The following DIAPH2 variants were observed in gnomAD, a reference collection of about 807,000 sequenced individuals.
The protein encoded by DIAPH2 is diaphanous related formin 2.
A neutral mutation model predicts 92.7 loss-of-function variants in DIAPH2; 35 were observed. The ratio of observed to expected loss-of-function variants is 0.38; its 90% CI spans 0.29 to 0.50. DIAPH2 has a LOEUF of 0.50. DIAPH2 is among the 20% of genes least tolerant of loss of function. DIAPH2 has a pLI of 0.94. For synonymous variants in DIAPH2, 301 were observed against 280.4 expected (o/e 1.07, Z -0.73); for missense variants, 701 against 819.5 (o/e 0.86, Z 1.77).
At chrX:96,758,946 AT>A (rs1376147995) in intron 4 of DIAPH2, among the ~76,000 whole-genome samples, 155 of 101,767 alleles carry the variant, frequency 1.5e-3, no homozygotes, top group African/African-American at 4.0e-3. Flanking sequence ...TTAAGCTTTG[AT>A]TTTTTTTTTT....
intron 26 of DIAPH2, among the ~76,000 whole-genome samples, chrX:97,564,721 A>G (rs751554673): frequency 8.9e-6 from 1 of 112,054 alleles, no homozygotes; most frequent in Non-Finnish European, 1.9e-5. Context: ...TCTTTGAAGC[A>G]TTGCAGAAAC....
Position 97,601,935 on chromosome X carries a change from C to CTCTT in DIAPH2, c.*2622_*2625dup, listed in dbSNP as rs1457589357. On this transcript the variant is annotated 3_prime_UTR_variant, in exon 27 of 27. Coordinates refer to ENST00000324765, the MANE Select transcript of DIAPH2 (RefSeq NM_006729.5). The stretch of plus-strand genomic sequence containing the variant: ...CATTTTTTGGCTTATGGCCACATTT[C>CTCTT]TCTTTCTGCTGTGTCTTCACATCAC... The CTCTT allele has an allele frequency of 4.5e-5, 5 of 112,153 alleles. No individual in the cohort carries two copies. Among genetic ancestry groups the CTCTT allele is most frequent in the African/African-American group, 1.6e-4 (5 of 30,833 alleles). The allele number at this position is 112,153 out of a possible 1,213,427, so 9.2% of individuals were successfully genotyped here.
chrX:97,020,997 A>G (rs2066293845), intron 17 of DIAPH2, among the ~76,000 whole-genome samples: 1 of 111,682 alleles, frequency 9.0e-6, no homozygotes, highest in Non-Finnish European at 1.9e-5. Context: ...CTACTGACAA[A>G]TATTATTATA....
chrX:97,549,505 A>G (rs965902631), intron 26 of DIAPH2, among the ~76,000 whole-genome samples: 1 of 111,419 alleles, frequency 9.0e-6, no homozygotes, highest in Non-Finnish European at 1.9e-5. Flanking sequence ...TGAATGTTTC[A>G]GAATAAATTG....
At chrX:97,189,239 G>A (rs1347229661) in intron 22 of DIAPH2, among the ~76,000 whole-genome samples, 1 of 111,478 alleles carries the variant, frequency 9.0e-6, no homozygotes, top group African/African-American at 3.3e-5. Flanking sequence ...TAAAGGAAAG[G>A]TTGACTAACC....
chrX:96,755,387 C>T (rs2147594174), intron 3 of DIAPH2, among the ~76,000 whole-genome samples: 1 of 111,607 alleles, frequency 9.0e-6, no homozygotes. Context: ...GGCGTGGTGG[C>T]TCACGCCTGT....
Position 97,264,494 on chromosome X carries a change from TATTC to T in DIAPH2, c.2844+16659_2844+16662del, listed in dbSNP as rs1190572453. Among the ~76,000 whole-genome samples the T allele has an allele frequency of 3.6e-5, 4 of 112,132 alleles. No homozygotes were observed. In the South Asian group the frequency reaches 1.5e-3, roughly 41 times the overall value. ...GGCACTATATTGAAGCAAATATGACTATTCATTTTCTTGCTCACACATACACACA... is the reference window on the plus strand; with the variant it reads ...GGCACTATATTGAAGCAAATATGACTATTTTCTTGCTCACACATACACACA... On this transcript the variant is annotated intron_variant, in intron 23 of 26. Transcript: ENST00000324765.
intron 1 of DIAPH2, among the ~76,000 whole-genome samples, chrX:96,698,562 A>G (rs1371360339): frequency 9.0e-6 from 1 of 111,056 alleles, no homozygotes; most frequent in Non-Finnish European, 1.9e-5. Context: ...ATGGAAGTGC[A>G]TAATGTAGTT....
At chrX:97,533,124 C>T (rs1371198222) in intron 26 of DIAPH2, 1 of 111,723 alleles carries the variant, frequency 9.0e-6, no homozygotes, top group Non-Finnish European at 1.9e-5. Flanking sequence ...CCATTTTAAA[C>T]ATTTAGCCAC....
At chrX:97,256,802 C>T (rs1442717914) in intron 23 of DIAPH2, among the ~76,000 whole-genome samples, 2 of 110,957 alleles carry the variant, frequency 1.8e-5, no homozygotes, top group African/African-American at 3.3e-5. Flanking sequence ...GTAGCTGGGA[C>T]TACAGGTGCA....
chrX:97,176,804 G>A (rs1018435035), intron 22 of DIAPH2, among the ~76,000 whole-genome samples: 2 of 111,777 alleles, frequency 1.8e-5, no homozygotes, highest in Admixed American at 9.6e-5. Context: ...TGGGATTACA[G>A]GCGTGAGCCA....
intron 4 of DIAPH2, among the ~76,000 whole-genome samples, chrX:96,871,989 A>G (rs932478334): frequency 7.1e-5 from 8 of 112,296 alleles, no homozygotes; most frequent in Non-Finnish European, 9.4e-5. Context: ...TCCATGTGCC[A>G]AAAAGTTACA....
chrX:97,180,134 C>G (rs1340364424), intron 22 of DIAPH2, among the ~76,000 whole-genome samples: 2 of 112,285 alleles, frequency 1.8e-5, no homozygotes, highest in African/African-American at 6.5e-5. Flanking sequence ...GAGGAATCAG[C>G]ACACTGTCTT....
intron 26 of DIAPH2, among the ~76,000 whole-genome samples, chrX:97,559,655 C>T (rs1018136095): frequency 8.9e-6 from 1 of 111,884 alleles, no homozygotes. Flanking sequence ...TTCGTTTCTA[C>T]GTACACGGTA....
At chrX:96,938,930 G>T (rs909108728) in intron 11 of DIAPH2, among the ~76,000 whole-genome samples, 7 of 111,456 alleles carry the variant, frequency 6.3e-5, no homozygotes, top group Non-Finnish European at 1.3e-4. Context: ...ACAACTACAG[G>T]GAGATCAAAA....
intron 16 of DIAPH2, among the ~76,000 whole-genome samples, chrX:96,959,547 A>AT (rs1383480896): frequency 9.0e-6 from 1 of 111,536 alleles, no homozygotes; most frequent in Non-Finnish European, 1.9e-5. Flanking sequence ...GTTTGCAGAT[A>AT]TTTTTTCCCA....
At chrX:97,484,272 A>T (rs1359343907) in intron 26 of DIAPH2, among the ~76,000 whole-genome samples, 2 of 111,643 alleles carry the variant, frequency 1.8e-5, no homozygotes, top group African/African-American at 6.5e-5. Flanking sequence ...CTGGAATCTA[A>T]TTCCGTTTTT....
At chrX:97,287,952 C>CAAAAAAAA (rs748309881) in intron 23 of DIAPH2, among the ~76,000 whole-genome samples, 23 of 39,782 alleles carry the variant, frequency 5.8e-4, no homozygotes, top group African/African-American at 2.3e-3. Context: ...GACTCTGTCT[C>CAAAAAAAA]AAAAAAAAAA....
At chrX:97,197,287 G>A (rs750166108) in intron 22 of DIAPH2, among the ~76,000 whole-genome samples, 1 of 111,867 alleles carries the variant, frequency 8.9e-6, no homozygotes, top group Non-Finnish European at 1.9e-5. Context: ...TGTTCCCCAT[G>A]AGATGTGTTC....
Sources: gnomAD v4.1 joint callset for allele counts (sites outside exome capture counted in the v4.1 genomes callset) on GRCh38, gnomAD v4.1.1 for gene constraint, MANE v1.5 for transcripts, NCBI Gene and HGNC (gene_info 2026-07-23, HGNC 2026-07-21) for gene names.